The following FHIT variants were observed in gnomAD, a reference collection of about 807,000 sequenced individuals.
FHIT encodes fragile histidine triad diadenosine triphosphatase.
In FHIT, 19 loss-of-function variants were observed where a neutral mutation model predicts 17.9. The ratio of observed to expected loss-of-function variants is 1.06; its 90% confidence interval spans 0.74 to 1.56. The LOEUF (loss-of-function observed/expected upper bound fraction) is 1.56. Among genes scored for constraint, FHIT ranks in the 40% most tolerant of loss-of-function variants. The pLI, the probability that FHIT is intolerant of heterozygous loss-of-function variation, is 0.00. For missense variants in FHIT, 248 were observed against 189.2 expected, an observed-to-expected ratio of 1.31 and a Z score of -1.82; for synonymous variants, 81 against 69.7, an observed-to-expected ratio of 1.16 and a Z score of -0.81.
intron 8 of FHIT, among the ~76,000 whole-genome samples, chr3:59,766,087 G>C (rs1422469087): frequency 6.6e-6 from 1 of 152,210 alleles, no homozygotes; most frequent in Non-Finnish European, 1.5e-5. Flanking sequence ...CATGTGAGGA[G>C]ACAAGGGGAT....
At chr3:60,245,005 C>CA (rs1473731739) in intron 5 of FHIT, among the ~76,000 whole-genome samples, 1 of 151,908 alleles carries the variant, frequency 6.6e-6, no homozygotes, top group Non-Finnish European at 1.5e-5. Flanking sequence ...TTAAGTAATT[C>CA]AAAATTGTGT....
At chr3:59,889,558 T>G (rs1464458911) in intron 8 of FHIT, among the ~76,000 whole-genome samples, 1 of 152,288 alleles carries the variant, frequency 6.6e-6, no homozygotes, top group African/African-American at 2.4e-5. Context: ...TGAGAAAAAC[T>G]TACCCTCCTT....
intron 5 of FHIT, among the ~76,000 whole-genome samples, chr3:60,068,128 C>G (rs1280988003): frequency 6.6e-6 from 1 of 152,094 alleles, no homozygotes; most frequent in Non-Finnish European, 1.5e-5. Context: ...CCCAGCTACT[C>G]TGGAGGCTGA....
At chr3:60,860,467 T>TC (rs1254574347) in intron 3 of FHIT, among the ~76,000 whole-genome samples, 30 of 126,992 alleles carry the variant, frequency 2.4e-4, no homozygotes, top group African/African-American at 2.7e-4. Flanking sequence ...TGTACATATA[T>TC]ATGTATATAT....
At chr3:60,121,709 AAC>A (rs57250663) in intron 5 of FHIT, among the ~76,000 whole-genome samples, 1,869 of 116,292 alleles carry the variant, frequency 0.016, 26 homozygotes, top group African/African-American at 0.019. Context: ...AAACAAAACA[AAC>A]ACACACACAC....
intron 5 of FHIT, among the ~76,000 whole-genome samples, chr3:60,106,103 G>T (rs1704398359): frequency 6.6e-6 from 1 of 152,182 alleles, no homozygotes; most frequent in Non-Finnish European, 1.5e-5. Flanking sequence ...TATTCTGGCT[G>T]TATATGCCAC....
intron 3 of FHIT, among the ~76,000 whole-genome samples, chr3:60,900,799 A>G (rs547726005): frequency 3.9e-5 from 6 of 152,190 alleles, no homozygotes; most frequent in African/African-American, 1.4e-4. Flanking sequence ...ATGTTTTGAG[A>G]TAGAGTCTCT....
At chr3:60,471,640 C>A (rs542046034) in intron 5 of FHIT, among the ~76,000 whole-genome samples, 4 of 152,310 alleles carry the variant, frequency 2.6e-5, no homozygotes, top group African/African-American at 9.6e-5. Flanking sequence ...CTCTTCAGTG[C>A]CTCTTTCCTT....
intron 5 of FHIT, among the ~76,000 whole-genome samples, chr3:60,038,948 A>G (rs1701329229): frequency 6.6e-6 from 1 of 152,154 alleles, no homozygotes; most frequent in Admixed American, 6.5e-5. Flanking sequence ...ACTGCCTCTT[A>G]TGGTTTCTGG....
chr3:60,773,421 A>G (rs925668968), intron 4 of FHIT, among the ~76,000 whole-genome samples: 1 of 152,186 alleles, frequency 6.6e-6, no homozygotes, highest in Non-Finnish European at 1.5e-5. Context: ...CTTGATCACT[A>G]ATGAAACATT....
At chr3:60,295,901 C>T (rs1259338205) in intron 5 of FHIT, among the ~76,000 whole-genome samples, 1 of 152,084 alleles carries the variant, frequency 6.6e-6, no homozygotes, top group Non-Finnish European at 1.5e-5. Context: ...TGAATTGTAG[C>T]TCCCATGATT....
chr3:59,843,511 T>C (rs1414436384), intron 8 of FHIT, among the ~76,000 whole-genome samples: 4 of 152,192 alleles, frequency 2.6e-5, no homozygotes, highest in Admixed American at 2.0e-4. Flanking sequence ...CTTTGTATAG[T>C]ATTGAAAACA....
At chr3:59,762,749 C>T (rs534864549) in intron 8 of FHIT, among the ~76,000 whole-genome samples, 2 of 152,330 alleles carry the variant, frequency 1.3e-5, no homozygotes, top group Admixed American at 6.5e-5. Context: ...GGGAAAATTG[C>T]ATCTCAGGGC....
intron 3 of FHIT, among the ~76,000 whole-genome samples, chr3:60,912,965 G>A (rs1228002756): frequency 2.6e-5 from 4 of 152,142 alleles, no homozygotes; most frequent in Non-Finnish European, 5.9e-5. Flanking sequence ...CTACTTTAGA[G>A]GGCCACAGCT....
At chr3:59,966,298 A>G (rs573159204) in intron 7 of FHIT, among the ~76,000 whole-genome samples, 175 of 152,318 alleles carry the variant, frequency 1.1e-3, no homozygotes, top group Middle Eastern at 0.01. Context: ...GTCCCACTGT[A>G]GCCAGAAACT....
chr3:59,889,495 C>T (rs1249511831), intron 8 of FHIT, among the ~76,000 whole-genome samples: 5 of 152,160 alleles, frequency 3.3e-5, no homozygotes, highest in African/African-American at 1.2e-4. Context: ...AGGTGAGACC[C>T]TTAGCATGGT....
intron 5 of FHIT, among the ~76,000 whole-genome samples, chr3:60,190,798 C>T (rs552577421): frequency 9.9e-5 from 15 of 152,088 alleles, no homozygotes; most frequent in African/African-American, 3.6e-4. Context: ...CAAAAATTAG[C>T]TGGGCATGGT....
At chr3:60,793,478 T>C (rs1700860855) in intron 4 of FHIT, among the ~76,000 whole-genome samples, 1 of 152,142 alleles carries the variant, frequency 6.6e-6, no homozygotes, top group Admixed American at 6.5e-5. Context: ...AATTTTTCTA[T>C]TTTTAGTACA....
At chr3:60,329,435 A>G (rs1278061149) in intron 5 of FHIT, among the ~76,000 whole-genome samples, 2 of 152,210 alleles carry the variant, frequency 1.3e-5, no homozygotes, top group African/African-American at 4.8e-5. Context: ...AGAAAAGCAA[A>G]TAGAGAATAT....
Sources: gnomAD v4.1 joint callset for allele counts (sites outside exome capture counted in the v4.1 genomes callset) on GRCh38, gnomAD v4.1.1 for gene constraint, MANE v1.5 for transcripts, NCBI Gene and HGNC (gene_info 2026-07-23, HGNC 2026-07-21) for gene names.